Variants in LCT observed in about 807,000 individuals in gnomAD.
LCT encodes the protein lactase/phlorizin hydrolase.
In LCT, 90 loss-of-function variants were observed where a neutral mutation model predicts 173.0. The observed-to-expected ratio is 0.52, with a 90% CI of 0.44 to 0.62. The LOEUF (loss-of-function observed/expected upper bound fraction) is 0.62. Ranked by LOEUF, LCT falls within the 20% of genes least tolerant of loss-of-function variation. The pLI, the probability that LCT is intolerant of heterozygous loss-of-function variation, is 0.00. For synonymous variants in LCT, 853 were observed against 957.6 expected, an observed-to-expected ratio of 0.89 and a Z score of 2.02; for missense variants, 1,864 against 2,431.4, an observed-to-expected ratio of 0.77 and a Z score of 4.91.
chr2:135,835,516 A>C (rs1288869405), intron 1 of LCT, among the ~76,000 whole-genome samples: 1 of 130,712 alleles, frequency 7.7e-6, no homozygotes, highest in Non-Finnish European at 1.6e-5. Flanking sequence ...ATATATATAT[A>C]TATATATATA....
intron 5 of LCT, chr2:135,821,698 C>A (rs973425259): frequency 1.4e-5 from 5 of 350,246 alleles, no homozygotes; most frequent in African/African-American, 4.2e-5. Context: ...CCATGTTGCC[C>A]AGCCCAGTCT....
chr2:135,833,277 G>A (rs1401191350), intron 1 of LCT, 87 bp from the exon 2 acceptor site: 1 of 917,490 alleles, frequency 1.1e-6, no homozygotes, highest in African/African-American at 1.6e-5. Context: ...ATTTCCTATG[G>A]ACCTGAAGAA....
At chr2:135,836,005 T>TATATATATATATATATAC (rs1558748623) in intron 1 of LCT, among the ~76,000 whole-genome samples, 2 of 18,384 alleles carry the variant, frequency 1.1e-4, no homozygotes, top group African/African-American at 1.7e-4. Flanking sequence ...TATATATATA[T>TATATATATATATATATAC]ATATATATAT....
intron 4 of LCT, among the ~76,000 whole-genome samples, chr2:135,823,542 C>G (rs958033880): frequency 6.6e-6 from 1 of 152,092 alleles, no homozygotes; most frequent in Non-Finnish European, 1.5e-5. Flanking sequence ...TGGAGAGAGA[C>G]GGGCAGAGGA....
rs1324494261 is a variant in LCT, at chr2:135,807,309, T to G, written c.3992A>C (p.Lys1331Thr). 6.2e-7 allele frequency: 1 copy of G among 1,614,078 alleles called. No homozygotes were observed. The highest frequency in any genetic ancestry group is 8.5e-7 in the Non-Finnish European group (1 of 1,180,050). Reference protein sequence around the residue: ...NFEWLNGYTVKFGLYHVDFNN... With the variant: ...NFEWLNGYTVTFGLYHVDFNN... ...GAAATCAACATGGTACAGTCCAAAC[T>G]TGACCGTGTAGCCATTTAGCCACTC... is the stretch of plus-strand genomic sequence containing the variant. Residue 1331 changes from lysine (K) to threonine (T), a missense_variant, in exon 9 of 17, where the codon AAG becomes ACG. Lys to Thr is a moderately conservative substitution (Grantham distance 78). Around this residue, in one of 4 missense-constraint regions of LCT, gnomAD observed 755 missense variants for 926.3 expected, o/e 0.82. Coordinates refer to ENST00000264162, the MANE Select transcript of LCT (RefSeq NM_002299.4).
chr2:135,807,004 G>T, intron 9 of LCT, 124 bp downstream of exon 9: 1 of 1,123,118 alleles, frequency 8.9e-7, no homozygotes, highest in Non-Finnish European at 1.3e-6. Context: ...CAGACCCCAT[G>T]CTGCCCCTCC....
At chr2:135,827,696 C>T (rs1207068580) in intron 3 of LCT, among the ~76,000 whole-genome samples, 1 of 152,162 alleles carries the variant, frequency 6.6e-6, no homozygotes, top group East Asian at 1.9e-4. Context: ...GTTTGTGCTC[C>T]TATCTAATAT....
At chr2:135,835,986 A>G (rs1679341624) in intron 1 of LCT, among the ~76,000 whole-genome samples, 1 of 28,372 alleles carries the variant, frequency 3.5e-5, no homozygotes, top group Non-Finnish European at 1.4e-4. Context: ...GTATATATAT[A>G]TATATATATA....
At chr2:135,803,206 C>G (rs1433313240) in intron 11 of LCT, among the ~76,000 whole-genome samples, 1 of 152,106 alleles carries the variant, frequency 6.6e-6, no homozygotes, top group Non-Finnish European at 1.5e-5. Context: ...TTTCCCAACA[C>G]AAAGAAATGA....
In LCT at chr2:135,836,586, AGG is replaced by A; in HGVS notation, c.582_583del (p.Leu195GlnfsTer2). The A allele has an allele frequency of 6.2e-7, 1 of 1,614,004 alleles. No homozygotes were observed. On this transcript the variant is annotated frameshift_variant, in exon 1 of 17. Transcript: ENST00000264162. LOFTEE classifies it high-confidence loss of function. ...ATAGGCTTTTCTGTGGGCATCACTG[AGG>A]GTCTGGAGTTGTGACGCTCTTGATT...
rs541126766 is a variant in LCT at position 135,803,827 on chromosome 2, G to A, written c.4663+103C>T. ...GAGCAAGAGGCAGGGTTTCTGCCAT[G>A]GGGCTTTCTTGGTTGCCTCGTCCTG... On this transcript the variant is annotated intron_variant, in intron 11 of 16. Coordinates refer to ENST00000264162, the MANE Select transcript of LCT (RefSeq NM_002299.4). 8.7e-6 allele frequency: 9 copies of A among 1,036,758 alleles called. No homozygotes were observed. In the African/African-American group the frequency reaches 1.4e-4, roughly 16 times the overall value. The allele number at this position is 1,036,758 out of a possible 1,614,324, so 64.2% of individuals were successfully genotyped here.
At chr2:135,823,762 C>A in intron 4 of LCT, 139 bp downstream of exon 4, 2 of 714,122 alleles carry the variant, frequency 2.8e-6, no homozygotes, top group Admixed American at 4.0e-5. Flanking sequence ...AGTACACTAA[C>A]CCAGTCTGGG....
At chr2:135,806,923 C>T (rs1359244177) in intron 9 of LCT, among the ~76,000 whole-genome samples, 1 of 152,224 alleles carries the variant, frequency 6.6e-6, no homozygotes, top group African/African-American at 2.4e-5. Context: ...CTCAGGACAG[C>T]GAGCCTCACC....
chr2:135,833,338 C>A, intron 1 of LCT, 148 bp from the exon 2 acceptor site: 1 of 719,432 alleles, frequency 1.4e-6, no homozygotes, highest in East Asian at 2.6e-5. Context: ...GACAAGGTGG[C>A]TTAAAAAAAT....
intron 16 of LCT, 84 bp downstream of exon 16, chr2:135,789,487 A>C: frequency 1.1e-6 from 1 of 934,196 alleles, no homozygotes; most frequent in Non-Finnish European, 1.7e-6. Flanking sequence ...GGAGGGTAAT[A>C]AACTAGAAGA....
Position 135,789,568 on chromosome 2 carries a change from C to T in LCT, c.5563+3G>A. The T allele has an allele frequency of 1.9e-6, 3 of 1,610,426 alleles. No individual in the cohort carries two copies. Among genetic ancestry groups the T allele is most frequent in the African/African-American group, 1.3e-5 (1 of 74,976 alleles). ...TTTATTCCCTCCCAGAGCCACATCT[C>T]ACCTGGCTGGTGGAGACAAGCGTGA... On this transcript the variant is annotated splice_donor_region_variant and intron_variant, in intron 16 of 16. Transcript: ENST00000264162.
At position 135,808,601 on chromosome 2, in the gene LCT, G is replaced by T; in HGVS notation, c.3746C>A (p.Ala1249Glu). The change falls in exon 8 of 17, where the codon GCG becomes GAG. Residue 1249 changes from alanine (A) to glutamate (E), a missense_variant. Ala to Glu is a moderately radical substitution (Grantham distance 107). Around this residue, in one of 4 missense-constraint regions of LCT, gnomAD observed 755 missense variants for 926.3 expected, o/e 0.82. Transcript: ENST00000264162. ...SWPSTAMNRA[A>E]PWGTRRLLNW... ...CAGCAGCCTTCGCGTCCCCCAGGGC[G>T]CAGCTCTGTTCATTGCCGTGGAAGG... 6.2e-7 allele frequency: 1 copy of T among 1,614,208 alleles called. No individual in the cohort carries two copies. Among genetic ancestry groups the T allele is most frequent in the African/African-American group, 1.3e-5 (1 of 75,058 alleles).
At chr2:135,805,220 C>A (rs377511119) in intron 9 of LCT, among the ~76,000 whole-genome samples, 163 bp from the exon 10 acceptor site, 2 of 152,282 alleles carry the variant, frequency 1.3e-5, no homozygotes, top group African/African-American at 4.8e-5. Context: ...CGCCGGCAAC[C>A]CCAGCGCTAT....
chr2:135,820,864 A>G (rs1424726992), intron 5 of LCT, among the ~76,000 whole-genome samples: 4 of 151,588 alleles, frequency 2.6e-5, no homozygotes, highest in Non-Finnish European at 5.9e-5. Context: ...TTATGGGCAC[A>G]ACCTCAAAAC....
Sources: allele counts gnomAD v4.1 joint callset (sites outside exome capture counted in the v4.1 genomes callset), GRCh38; gene constraint gnomAD v4.1.1; regional missense constraint gnomAD v4.1.1; transcripts MANE v1.5; gene names NCBI Gene and HGNC (gene_info 2026-07-23, HGNC 2026-07-21).